Variants in PTPRN2 observed in about 807,000 individuals in gnomAD.
PTPRN2 encodes receptor-type tyrosine-protein phosphatase N2.
A neutral mutation model predicts 118.8 loss-of-function variants in PTPRN2; 74 were observed. That is an observed-to-expected ratio of 0.62 (90% CI 0.52 to 0.76). The LOEUF (loss-of-function observed/expected upper bound fraction) is 0.76. PTPRN2 is among the 30% of genes least tolerant of loss of function. The probability of loss-of-function intolerance (pLI) is 0.00; values close to 1 mark genes in which losing one functional copy is unlikely to be tolerated. For synonymous variants in PTPRN2, 641 were observed against 608.0 expected (o/e 1.05, Z -0.80); for missense variants, 1,481 against 1,394.4 (o/e 1.06, Z -0.99).
chr7:157,982,112 C>CG (rs1803240110), intron 11 of PTPRN2, among the ~76,000 whole-genome samples: 1 of 127,044 alleles, frequency 7.9e-6, no homozygotes, highest in Non-Finnish European at 1.7e-5. Flanking sequence ...GTCACAGAGA[C>CG]AAGGAGGGGA....
chr7:158,540,768 TTCC>T (rs1825941269), intron 1 of PTPRN2, among the ~76,000 whole-genome samples: 1 of 152,196 alleles, frequency 6.6e-6, no homozygotes, highest in African/African-American at 2.4e-5. Context: ...CCATGAGCTT[TTCC>T]TTCAGTGTGG....
At chr7:158,203,102 C>T (rs978701081) in intron 4 of PTPRN2, among the ~76,000 whole-genome samples, 14 of 151,568 alleles carry the variant, frequency 9.2e-5, no homozygotes, top group African/African-American at 2.2e-4. Flanking sequence ...TATGGTGGCG[C>T]GCACCTGTAG....
intron 10 of PTPRN2, among the ~76,000 whole-genome samples, chr7:158,098,032 C>G (rs1814787958): frequency 6.6e-6 from 1 of 152,106 alleles, no homozygotes; most frequent in Non-Finnish European, 1.5e-5. Flanking sequence ...CAGCCCACAC[C>G]CCCGTCCGTC....
Position 157,619,156 on chromosome 7 carries a change from C to A in PTPRN2, c.2344+2206G>T, listed in dbSNP as rs894897694. Among the ~76,000 whole-genome samples, 3 of 152,128 alleles carry A rather than the reference C, an allele frequency of 2.0e-5. No homozygotes were observed. The highest frequency in any genetic ancestry group is 2.1e-4 in the South Asian group (1 of 4,828). Reference sequence around the variant, plus strand: ...CCCATCCACACTGTACAGACAGAGCCCAGAAGGCTGCAGGGCACACGGGAG... The same window carrying A: ...CCCATCCACACTGTACAGACAGAGCACAGAAGGCTGCAGGGCACACGGGAG... On this transcript the variant is annotated intron_variant, in intron 15 of 22. Transcript: ENST00000389418. This position sits in a 1 kb window ranked among gnomAD's most constrained non-coding sequence, Gnocchi z 5.3.
chr7:158,116,950 C>T, intron 9 of PTPRN2, among the ~76,000 whole-genome samples: 1 of 152,032 alleles, frequency 6.6e-6, no homozygotes, highest in East Asian at 1.9e-4. Flanking sequence ...AAATAGCAAA[C>T]CTATGGAGAG....
rs568034995 is a variant in PTPRN2 at position 158,493,282 on chromosome 7, C to T, written c.113-3497G>A. On this transcript the variant is annotated intron_variant, in intron 1 of 22. Coordinates refer to ENST00000389418, the MANE Select transcript of PTPRN2 (RefSeq NM_002847.5). ...GCATGTGCACACATATACATACACACATGCACACTCATACATGCATGCAGT... is the reference window on the plus strand; with the variant it reads ...GCATGTGCACACATATACATACACATATGCACACTCATACATGCATGCAGT... Among the ~76,000 whole-genome samples the T allele has an allele frequency of 3.0e-4, 45 of 152,388 alleles. No homozygotes were observed. In the South Asian group the frequency reaches 8.7e-3, roughly 29 times the overall value.
At chr7:158,508,213 G>A (rs181970354) in intron 1 of PTPRN2, among the ~76,000 whole-genome samples, 18 of 148,786 alleles carry the variant, frequency 1.2e-4, no homozygotes, top group East Asian at 8.2e-4. Flanking sequence ...AGTGAGGACC[G>A]TCCAGGGGAC....
At chr7:157,691,051 G>A (rs1797462542) in intron 12 of PTPRN2, among the ~76,000 whole-genome samples, 1 of 143,338 alleles carries the variant, frequency 7.0e-6, no homozygotes, top group Admixed American at 6.9e-5. Context: ...CCCAGCCACC[G>A]GTTGCTATAG....
intron 1 of PTPRN2, among the ~76,000 whole-genome samples, chr7:158,511,082 A>G (rs990775038): frequency 6.6e-6 from 1 of 152,228 alleles, no homozygotes; most frequent in Non-Finnish European, 1.5e-5. Context: ...GTTGGTCAGG[A>G]GTTGACGGCA....
chr7:157,781,105 G>A (rs1041312320), intron 12 of PTPRN2, among the ~76,000 whole-genome samples: 1 of 152,172 alleles, frequency 6.6e-6, no homozygotes, highest in Non-Finnish European at 1.5e-5. Flanking sequence ...GGCTCCCTTC[G>A]CCTGGCTGTG....
chr7:157,976,164 A>T (rs1802727768), intron 11 of PTPRN2, among the ~76,000 whole-genome samples: 1 of 152,258 alleles, frequency 6.6e-6, no homozygotes, highest in Non-Finnish European at 1.5e-5. Flanking sequence ...GGGCCATGGC[A>T]GCTTAGGGCT....
At chr7:158,246,792 A>C (rs993119156) in intron 3 of PTPRN2, among the ~76,000 whole-genome samples, 3 of 151,926 alleles carry the variant, frequency 2.0e-5, no homozygotes, top group Non-Finnish European at 4.4e-5. Context: ...TGTGCTTCCC[A>C]TGGCCATGCC....
rs1805804291 is a variant in PTPRN2 at position 157,808,999 on chromosome 7, A to G, written c.1788+89674T>C. On this transcript the variant is annotated intron_variant, in intron 12 of 22. Transcript: ENST00000389418. This position sits in a 1 kb window ranked among gnomAD's most constrained non-coding sequence, Gnocchi z 5.0. ...TTTAATGCACACGTTCAGTCCCTGCAGCACCTCCCGAAGTGTGCTGTGTCA... is the reference window on the plus strand; with the variant it reads ...TTTAATGCACACGTTCAGTCCCTGCGGCACCTCCCGAAGTGTGCTGTGTCA... 6.6e-6 allele frequency among the ~76,000 whole-genome samples: 1 copy of G among 152,360 alleles called. No homozygotes were observed. The highest frequency in any genetic ancestry group is 6.5e-5 in the Admixed American group (1 of 15,304).
At chr7:157,614,661 C>G (rs1563264460) in intron 15 of PTPRN2, among the ~76,000 whole-genome samples, 1 of 152,174 alleles carries the variant, frequency 6.6e-6, no homozygotes, top group African/African-American at 2.4e-5. Flanking sequence ...CCCCAACCCC[C>G]AGGACTGCGG....
chr7:157,859,858 C>T (rs961160665), intron 12 of PTPRN2, among the ~76,000 whole-genome samples: 2 of 133,674 alleles, frequency 1.5e-5, no homozygotes, highest in Admixed American at 7.4e-5. Context: ...AGCTACTGTA[C>T]ACACTCCTGC....
In PTPRN2 at chr7:157,622,086, G is replaced by A. The variant is rs1803285659; in HGVS notation, c.2197-577C>T. Among the ~76,000 whole-genome samples the A allele has an allele frequency of 6.6e-6, 1 of 152,004 alleles. No individual in the cohort carries two copies. Among genetic ancestry groups the A allele is most frequent in the Non-Finnish European group, 1.5e-5 (1 of 68,022 alleles). On this transcript the variant is annotated intron_variant, in intron 14 of 22. Transcript: ENST00000389418. This position sits in a 1 kb window ranked among gnomAD's most constrained non-coding sequence, Gnocchi z 5.3. The stretch of plus-strand genomic sequence containing the variant: ...TACTATGAGTAGACAAGGAAACAAA[G>A]GCCTCCTGAAAATTCCCTTCCACAA...
chr7:158,096,115 T>C (rs541601369), intron 10 of PTPRN2, among the ~76,000 whole-genome samples: 44 of 152,332 alleles, frequency 2.9e-4, no homozygotes, highest in African/African-American at 1.1e-3. Context: ...AATAGCGCAA[T>C]TGTCCAGCTA....
intron 2 of PTPRN2, among the ~76,000 whole-genome samples, chr7:158,404,036 T>C (rs1350862224): frequency 1.3e-5 from 2 of 152,230 alleles, no homozygotes; most frequent in East Asian, 3.8e-4. Flanking sequence ...GAAGACGTTG[T>C]GGTGGGGGAA....
At chr7:157,766,235 C>T (rs1281222357) in intron 12 of PTPRN2, among the ~76,000 whole-genome samples, 1 of 150,118 alleles carries the variant, frequency 6.7e-6, no homozygotes, top group Non-Finnish European at 1.5e-5. Context: ...ATCCATCCAT[C>T]CAACCATCCA....
Sources: allele counts gnomAD v4.1 joint callset (sites outside exome capture counted in the v4.1 genomes callset), GRCh38; gene constraint gnomAD v4.1.1; non-coding constraint Gnocchi (gnomAD v3.1); transcripts MANE v1.5; gene names NCBI Gene and HGNC (gene_info 2026-07-23, HGNC 2026-07-21).